The following NOMO3 variants were observed in gnomAD, a reference collection of about 807,000 sequenced individuals.
NOMO3 encodes BOS complex subunit NOMO3.
NOMO3 carries 15 observed loss-of-function variants against 69.9 expected under a neutral mutation model. That is an observed-to-expected ratio of 0.21 (90% CI 0.14 to 0.33). NOMO3 has a LOEUF of 0.33. NOMO3 is among the 10% of genes least tolerant of loss of function. NOMO3 has a pLI of 1.00. For missense variants in NOMO3, 218 were observed against 761.0 expected (o/e 0.29, Z 8.39); for synonymous variants, 89 against 301.9 (o/e 0.29, Z 7.31).
chr16:16,243,748 C>T (rs1374130426), intron 4 of NOMO3, among the ~76,000 whole-genome samples: 1 of 140,756 alleles, frequency 7.1e-6, no homozygotes, highest in Non-Finnish European at 1.5e-5. Flanking sequence ...TGGTCTCAAA[C>T]TCCTGACCTC....
intron 2 of NOMO3, among the ~76,000 whole-genome samples, chr16:16,238,326 G>A (rs1371515507): frequency 7.3e-6 from 1 of 136,198 alleles, no homozygotes; most frequent in Non-Finnish European, 1.5e-5. Context: ...TCTGCCTCCT[G>A]GGTTCCAGTG....
At chr16:16,258,751 G>A (rs1333882973) in intron 11 of NOMO3, among the ~76,000 whole-genome samples, 2 of 142,936 alleles carry the variant, frequency 1.4e-5, no homozygotes, top group South Asian at 2.2e-4. Context: ...TATAATCCCA[G>A]CAACTCAGGA....
intron 17 of NOMO3, 55 bp downstream of exon 17, chr16:16,270,239 C>T (rs988639893): frequency 7.0e-6 from 11 of 1,578,060 alleles, no homozygotes; most frequent in Non-Finnish European, 9.4e-6. Context: ...GTGGAGGATT[C>T]TTCATTTACT....
chr16:16,260,401 G>A (rs1483746261), intron 11 of NOMO3, among the ~76,000 whole-genome samples: 4 of 140,496 alleles, frequency 2.8e-5, no homozygotes, highest in Admixed American at 1.4e-4. Context: ...ATACACAAAC[G>A]GGAGGGGGGT....
chr16:16,235,867 G>C (rs748738144), intron 1 of NOMO3: 9 of 442,656 alleles, frequency 2.0e-5, no homozygotes, highest in Non-Finnish European at 4.0e-5. Context: ...GCATTGATGT[G>C]AATCTGTACA....
chr16:16,250,343 T>TA (rs1163271805), intron 6 of NOMO3, among the ~76,000 whole-genome samples: 1 of 119,562 alleles, frequency 8.4e-6, no homozygotes, highest in East Asian at 3.4e-4. Context: ...ATATGCTCAT[T>TA]AAAAAAATTG....
intron 5 of NOMO3, 79 bp downstream of exon 5, chr16:16,245,253 G>GC (rs199554616): frequency 0.2 from 282,976 of 1,415,170 alleles, 41,577 homozygotes; most frequent in Middle Eastern, 0.23. Context: ...TGGGAGTTTG[G>GC]ATTCAGGGAG....
intron 11 of NOMO3, 70 bp downstream of exon 11, chr16:16,256,228 G>A: frequency 6.5e-7 from 1 of 1,532,516 alleles, no homozygotes; most frequent in Non-Finnish European, 8.7e-7. Flanking sequence ...CAAATGACCT[G>A]TGATCTGTGT....
chr16:16,269,270 G>A (rs1402838613), intron 16 of NOMO3, among the ~76,000 whole-genome samples: 2 of 141,054 alleles, frequency 1.4e-5, no homozygotes, highest in Non-Finnish European at 1.5e-5. Context: ...GCTGTCAAAT[G>A]CTCCCCCTCT....
chr16:16,255,326 C>T (rs2049500958), intron 9 of NOMO3, among the ~76,000 whole-genome samples: 1 of 140,506 alleles, frequency 7.1e-6, no homozygotes, highest in Non-Finnish European at 1.5e-5. Context: ...AGGAGCGGGG[C>T]GGGTCATCCA....
intron 11 of NOMO3, among the ~76,000 whole-genome samples, chr16:16,260,416 G>A (rs2049553681): frequency 7.1e-6 from 1 of 140,312 alleles, no homozygotes; most frequent in South Asian, 2.3e-4. Context: ...GGGGGTCCTT[G>A]GGTGGTAGTT....
Position 16,263,062 on chromosome 16 carries a change from A to C in NOMO3, c.1396-12A>C. 3 of 1,594,892 alleles carry C rather than the reference A, an allele frequency of 1.9e-6. No homozygotes were observed. The highest frequency in any genetic ancestry group is 2.5e-6 in the Non-Finnish European group (3 of 1,177,842). ...GAATGCAGCCTCTAACGTTCCATCC[A>C]CGTTTCCGCAGGTGATGGTTCCTGA... On this transcript the variant is annotated splice_polypyrimidine_tract_variant and intron_variant, in intron 12 of 30. Transcript: ENST00000399336.
At chr16:16,274,252 G>GGATA (rs2049678942) in intron 20 of NOMO3, among the ~76,000 whole-genome samples, 177 bp downstream of exon 20, 1 of 127,512 alleles carries the variant, frequency 7.8e-6, no homozygotes, top group African/African-American at 3.2e-5. Context: ...ATGGATGGAT[G>GGATA]GTTGGGTTGG....
rs556458442 is a variant in NOMO3 at position 16,254,638 on chromosome 16, A to T, written c.964-1082A>T. ...GCCTGCTGTGTACCAGGTGACTAAG[A>T]CAGAAAAAGTCCCTGTCTCCATGAG... On this transcript the variant is annotated intron_variant, in intron 9 of 30. Transcript: ENST00000399336. Among the ~76,000 whole-genome samples the T allele has an allele frequency of 8.4e-4, 121 of 143,452 alleles. 25 individuals carry two copies. Among genetic ancestry groups the T allele is most frequent in the African/African-American group, 3.3e-3 (116 of 34,708 alleles). 94.1% of individuals were successfully genotyped at this position (143,452 alleles called of 152,430 possible).
intron 3 of NOMO3, among the ~76,000 whole-genome samples, chr16:16,240,530 C>T (rs1274731662): frequency 6.2e-5 from 9 of 145,562 alleles, no homozygotes; most frequent in Non-Finnish European, 1.0e-4. Context: ...TCAGAAACAG[C>T]CCTTCTGCAC....
intron 16 of NOMO3, among the ~76,000 whole-genome samples, chr16:16,269,518 T>A (rs2049645858): frequency 7.1e-6 from 1 of 140,306 alleles, no homozygotes; most frequent in Admixed American, 6.9e-5. Flanking sequence ...TAATTTCAGG[T>A]TTTTGTAGGA....
At chr16:16,264,738 G>T (rs903134251) in intron 14 of NOMO3, among the ~76,000 whole-genome samples, 1 of 139,004 alleles carries the variant, frequency 7.2e-6, no homozygotes. Context: ...AGTAGAGATG[G>T]GGTTTTGCTA....
In NOMO3 at chr16:16,269,429, A is replaced by ATT. The variant is rs750179595; in HGVS notation, c.1895-672_1895-671dup. The stretch of plus-strand genomic sequence containing the variant: ...CAAACAAAACAAACAGAGAAACCTG[A>ATT]TTTTTTTTTTTTTTTTTTTTTGATG... On this transcript the variant is annotated intron_variant, in intron 16 of 30. Coordinates refer to ENST00000399336, the MANE Select transcript of NOMO3 (RefSeq NM_001004067.4). Among the ~76,000 whole-genome samples the ATT allele has an allele frequency of 2.8e-3, 313 of 111,466 alleles. 32 individuals carry two copies. Among genetic ancestry groups the ATT allele is most frequent in the African/African-American group, 9.8e-3 (243 of 24,826 alleles). The allele number at this position is 111,466 out of a possible 152,430, so 73.1% of individuals were successfully genotyped here.
At chr16:16,251,375 C>T (rs1342090721) in intron 7 of NOMO3, among the ~76,000 whole-genome samples, 1 of 122,478 alleles carries the variant, frequency 8.2e-6, no homozygotes, top group Non-Finnish European at 1.6e-5. Context: ...TTGGCACGTG[C>T]CTGTAGTCCC....
Sources: allele counts gnomAD v4.1 joint callset (sites outside exome capture counted in the v4.1 genomes callset), GRCh38; gene constraint gnomAD v4.1.1; transcripts MANE v1.5; gene names NCBI Gene and HGNC (gene_info 2026-07-23, HGNC 2026-07-21).